The following DPYSL2 variants were observed in gnomAD, a reference collection of about 807,000 sequenced individuals.
The protein encoded by DPYSL2 is dihydropyrimidinase like 2.
Under a neutral mutation model 69.9 loss-of-function variants are expected in DPYSL2, and 13 were observed. That is an observed-to-expected ratio of 0.19 (90% confidence interval 0.12 to 0.30). The LOEUF (loss-of-function observed/expected upper bound fraction) is 0.30. Ranked by LOEUF, DPYSL2 falls within the 10% of genes least tolerant of loss-of-function variation. The pLI, the probability that DPYSL2 is intolerant of heterozygous loss-of-function variation, is 1.00. For synonymous variants in DPYSL2, 326 were observed against 359.1 expected (o/e 0.91, Z 1.04); for missense variants, 587 against 918.9 (o/e 0.64, Z 4.67).
At chr8:26,569,359 A>C (rs1360389521) in intron 1 of DPYSL2, among the ~76,000 whole-genome samples, 2 of 119,922 alleles carry the variant, frequency 1.7e-5, no homozygotes, top group South Asian at 2.9e-4. Flanking sequence ...ATCTCCAAAA[A>C]AAAAACAAAA....
chr8:26,577,136 T>G, intron 1 of DPYSL2: 2 of 445,396 alleles, frequency 4.5e-6, no homozygotes, highest in Non-Finnish European at 9.0e-6. Context: ...GGCTCGGAGT[T>G]GGAAGGGTTT....
rs960112589 is a variant in DPYSL2, at chr8:26,559,973, C to T, written c.355-21996C>T. Among the ~76,000 whole-genome samples, 6 of 152,326 alleles carry T rather than the reference C, an allele frequency of 3.9e-5. No individual in the cohort carries two copies. In the South Asian group the frequency reaches 6.2e-4, roughly 16 times the overall value. On this transcript the variant is annotated intron_variant, in intron 1 of 13. Coordinates refer to ENST00000521913, the MANE Select transcript of DPYSL2 (RefSeq NM_001197293.3). ...ACTCATCAACCACACCTGGAGACCA[C>T]GTTCCCATCTCATTATGCTGAGCTG... is the stretch of plus-strand genomic sequence containing the variant.
rs766891838 is a variant in DPYSL2 at position 26,651,472 on chromosome 8, C to T, written c.1597-785C>T. On this transcript the variant is annotated intron_variant, in intron 11 of 13. Coordinates refer to ENST00000521913, the MANE Select transcript of DPYSL2 (RefSeq NM_001197293.3). ...AGACTCAGCCACAGCCATTGGTCCC[C>T]GTGAACCAAACAGGCAGGAAGAAGC... 7.9e-5 allele frequency among the ~76,000 whole-genome samples: 12 copies of T among 152,158 alleles called. No homozygotes were observed. In the East Asian group the frequency reaches 1.9e-3, roughly 24 times the overall value.
chr8:26,650,488 A>G lies in DPYSL2; in HGVS notation c.1597-1769A>G, dbSNP rs138138272. ...AGGCTTTTTGTATTGTCATCTTCACATACACCTCGGGAGGGTGCAGATGAA... is the reference window on the plus strand; with the variant it reads ...AGGCTTTTTGTATTGTCATCTTCACGTACACCTCGGGAGGGTGCAGATGAA... On this transcript the variant is annotated intron_variant, in intron 11 of 13. Coordinates refer to ENST00000521913, the MANE Select transcript of DPYSL2 (RefSeq NM_001197293.3). The surrounding 1 kb of genome is among the most constrained non-coding windows in gnomAD (Gnocchi z 5.3). Among the ~76,000 whole-genome samples the G allele has an allele frequency of 2.5e-3, 384 of 152,314 alleles. No homozygotes were observed. Among genetic ancestry groups the G allele is most frequent in the African/African-American group, 9.0e-3 (373 of 41,552 alleles).
In DPYSL2 at chr8:26,643,399, G is replaced by A. The variant is rs377086745; in HGVS notation, c.1127-40G>A. The stretch of plus-strand genomic sequence containing the variant: ...TCATAGGGGTGGTTCCCTTCCCCCT[G>A]CATTGTGTTGGACTGAACCTTGTGT... On this transcript the variant is annotated intron_variant, in intron 8 of 13. Transcript: ENST00000521913. The surrounding 1 kb of genome is among the most constrained non-coding windows in gnomAD (Gnocchi z 6.5). 1.7e-4 allele frequency: 257 copies of A among 1,538,618 alleles called. No individual in the cohort carries two copies. Among genetic ancestry groups the A allele is most frequent in the Non-Finnish European group, 2.1e-4 (246 of 1,144,828 alleles).
rs58361153 is a variant in DPYSL2 at position 26,646,992 on chromosome 8, T to TA, written c.1426-627dup. Reference sequence around the variant, plus strand: ...CAAGACCCTGTCTCAAAAAAAAGATTAAAAAAAAAAAGGAAGCCTAGATCT... The same window carrying TA: ...CAAGACCCTGTCTCAAAAAAAAGATTAAAAAAAAAAAAGGAAGCCTAGATCT... On this transcript the variant is annotated intron_variant, in intron 10 of 13. Coordinates refer to ENST00000521913, the MANE Select transcript of DPYSL2 (RefSeq NM_001197293.3). Among the ~76,000 whole-genome samples, 529 of 143,498 alleles carry TA rather than the reference T, an allele frequency of 3.7e-3. 3 individuals carry two copies. Among genetic ancestry groups the TA allele is most frequent in the African/African-American group, 0.011 (443 of 39,466 alleles). The allele number at this position is 143,498 out of a possible 152,430, so 94.1% of individuals were successfully genotyped here. A position where few individuals can be genotyped will look rare whatever the true frequency, so the allele number is the denominator to read the frequency against.
Position 26,533,598 on chromosome 8 carries a change from C to T in DPYSL2, c.354+18919C>T, listed in dbSNP as rs554722605. Among the ~76,000 whole-genome samples, 1 of 152,246 alleles carries T rather than the reference C, an allele frequency of 6.6e-6. No individual in the cohort carries two copies. Among genetic ancestry groups the T allele is most frequent in the South Asian group, 2.1e-4 (1 of 4,828 alleles). On this transcript the variant is annotated intron_variant, in intron 1 of 13. Transcript: ENST00000521913. The surrounding 1 kb of genome is among the most constrained non-coding windows in gnomAD (Gnocchi z 4.8). ...TTTTGCCTGTGGATGTCCAGTTGTC[C>T]CAGCTCCATTTATTGATTAGCAAAA...
chr8:26,582,764 T>C lies in DPYSL2; in HGVS notation c.443+707T>C, dbSNP rs969340131. ...GGCTCTGGAGAAATAGCACATCTGT[T>C]TGAAGACAAACACTGCAGCCAGTGA... On this transcript the variant is annotated intron_variant, in intron 2 of 13. Transcript: ENST00000521913. The surrounding 1 kb of genome is among the most constrained non-coding windows in gnomAD (Gnocchi z 4.1). 1.3e-5 allele frequency among the ~76,000 whole-genome samples: 2 copies of C among 152,166 alleles called. No individual in the cohort carries two copies. Among genetic ancestry groups the C allele is most frequent in the African/African-American group, 4.8e-5 (2 of 41,426 alleles).
In DPYSL2 at chr8:26,621,748, C is replaced by A. The variant is rs1337757878; in HGVS notation, c.629-2395C>A. Among the ~76,000 whole-genome samples, 1 of 151,898 alleles carries A rather than the reference C, an allele frequency of 6.6e-6. No individual in the cohort carries two copies. Among genetic ancestry groups the A allele is most frequent in the Non-Finnish European group, 1.5e-5 (1 of 67,998 alleles). ...TGCTTGTGCACAGGCTTGGAGTTGC[C>A]CAGGGGTTGGGCAGGTCAAAGTGAA... On this transcript the variant is annotated intron_variant, in intron 3 of 13. Coordinates refer to ENST00000521913, the MANE Select transcript of DPYSL2 (RefSeq NM_001197293.3). This position sits in a 1 kb window ranked among gnomAD's most constrained non-coding sequence, Gnocchi z 4.9.
chr8:26,538,388 G>A (rs372276130), intron 1 of DPYSL2, among the ~76,000 whole-genome samples: 1 of 152,162 alleles, frequency 6.6e-6, no homozygotes, highest in African/African-American at 2.4e-5. Context: ...AAAAGTGTAG[G>A]AAGCATTTTA....
rs143954499 is a variant in DPYSL2 at position 26,567,476 on chromosome 8, G to A, written c.355-14493G>A. 1.3e-3 allele frequency among the ~76,000 whole-genome samples: 197 copies of A among 152,324 alleles called. 1 individual carries two copies. Among genetic ancestry groups the A allele is most frequent in the African/African-American group, 4.4e-3 (185 of 41,576 alleles). Reference sequence around the variant, plus strand: ...TTGCCTATTACAGGCAAGGCCTTACGGTGGGTGATGAGGAGAGAGAAAGTA... The same window carrying A: ...TTGCCTATTACAGGCAAGGCCTTACAGTGGGTGATGAGGAGAGAGAAAGTA... On this transcript the variant is annotated intron_variant, in intron 1 of 13. Transcript: ENST00000521913.
rs973758568 is a variant in DPYSL2 at position 26,571,974 on chromosome 8, T to A, written c.355-9995T>A. Among the ~76,000 whole-genome samples, 3 of 152,220 alleles carry A rather than the reference T, an allele frequency of 2.0e-5. No individual in the cohort carries two copies. Among genetic ancestry groups the A allele is most frequent in the African/African-American group, 7.2e-5 (3 of 41,446 alleles). Reference sequence around the variant, plus strand: ...AGTGTCCTAGTCAATGCCCTTTGTTTTGGCAAAGAAGGATTCCAGTACCTT... The same window carrying A: ...AGTGTCCTAGTCAATGCCCTTTGTTATGGCAAAGAAGGATTCCAGTACCTT... On this transcript the variant is annotated intron_variant, in intron 1 of 13. Transcript: ENST00000521913. This position sits in a 1 kb window ranked among gnomAD's most constrained non-coding sequence, Gnocchi z 6.1.
chr8:26,534,307 A>T (rs1800557956), intron 1 of DPYSL2, among the ~76,000 whole-genome samples: 1 of 152,072 alleles, frequency 6.6e-6, no homozygotes, highest in Non-Finnish European at 1.5e-5. Flanking sequence ...TGGCCTCCCA[A>T]GTAGCTGGGA....
At chr8:26,549,145 T>A (rs558115958) in intron 1 of DPYSL2, among the ~76,000 whole-genome samples, 1 of 151,694 alleles carries the variant, frequency 6.6e-6, no homozygotes, top group East Asian at 1.9e-4. Context: ...GCTGAGATCA[T>A]GCCACTGCAC....
rs442103 is a variant in DPYSL2, at chr8:26,571,540, T to G, written c.355-10429T>G. 6.6e-6 allele frequency among the ~76,000 whole-genome samples: 1 copy of G among 151,836 alleles called. No individual in the cohort carries two copies. Among genetic ancestry groups the G allele is most frequent in the South Asian group, 2.1e-4 (1 of 4,820 alleles). On this transcript the variant is annotated intron_variant, in intron 1 of 13. Transcript: ENST00000521913. This position sits in a 1 kb window ranked among gnomAD's most constrained non-coding sequence, Gnocchi z 6.1. ...AGGTGCAGGGTGGGCATTGCAGGAG[T>G]TCTTCAGGAGGTGTGTGCGCTAACT...
At chr8:26,623,351 G>A (rs1802540720) in intron 3 of DPYSL2, among the ~76,000 whole-genome samples, 1 of 152,118 alleles carries the variant, frequency 6.6e-6, no homozygotes, top group Non-Finnish European at 1.5e-5. Context: ...TTTAAATCAG[G>A]GAATGACATA....
rs1030330310 is a variant in DPYSL2 at position 26,587,705 on chromosome 8, G to A, written c.628+3722G>A. Among the ~76,000 whole-genome samples, 2 of 152,324 alleles carry A rather than the reference G, an allele frequency of 1.3e-5. No homozygotes were observed. Among genetic ancestry groups the A allele is most frequent in the South Asian group, 2.1e-4 (1 of 4,826 alleles). On this transcript the variant is annotated intron_variant, in intron 3 of 13. Transcript: ENST00000521913. This position sits in a 1 kb window ranked among gnomAD's most constrained non-coding sequence, Gnocchi z 4.2. ...CCCTTTGCCCTTTCCACCCAGTGGTGGGTGGGCAGAGACTGCAGACATACC... is the reference window on the plus strand; with the variant it reads ...CCCTTTGCCCTTTCCACCCAGTGGTAGGTGGGCAGAGACTGCAGACATACC...
intron 3 of DPYSL2, among the ~76,000 whole-genome samples, chr8:26,622,158 C>T (rs3926189): frequency 0.17 from 6,207 of 35,508 alleles, 266 homozygotes; most frequent in Admixed American, 0.29. Context: ...TCCTTCCTTC[C>T]CTCTCTCTCT....
chr8:26,656,912 G>A lies in DPYSL2; in HGVS notation c.*1206G>A, dbSNP rs60418065. On this transcript the variant is annotated 3_prime_UTR_variant, in exon 14 of 14. Coordinates refer to ENST00000521913, the MANE Select transcript of DPYSL2 (RefSeq NM_001197293.3). ...AAAGTCACGGTCAAACCTAAACACC[G>A]AGCCTCATTAACCCAAGTGAACCAA... The A allele has an allele frequency of 6.6e-6, 1 of 152,390 alleles. No individual in the cohort carries two copies. Among genetic ancestry groups the A allele is most frequent in the Non-Finnish European group, 1.5e-5 (1 of 68,094 alleles). 9.4% of individuals were successfully genotyped at this position (152,390 alleles called of 1,614,324 possible). A position where few individuals can be genotyped will look rare whatever the true frequency, so the allele number is the denominator to read the frequency against.
Sources: allele counts gnomAD v4.1 joint callset (sites outside exome capture counted in the v4.1 genomes callset), GRCh38; gene constraint gnomAD v4.1.1; non-coding constraint Gnocchi (gnomAD v3.1); transcripts MANE v1.5; gene names NCBI Gene and HGNC (gene_info 2026-07-23, HGNC 2026-07-21).